The following XPO4 variants were observed in gnomAD, a reference collection of about 807,000 sequenced individuals.
The protein encoded by XPO4 is exportin-4.
Under a neutral mutation model 143.0 loss-of-function variants are expected in XPO4, and 39 were observed. That is an observed-to-expected ratio of 0.27 (90% CI 0.21 to 0.36). The LOEUF (loss-of-function observed/expected upper bound fraction) is 0.36. XPO4 is among the 10% of genes least tolerant of loss of function. XPO4 has a pLI of 1.00. For synonymous variants in XPO4, 439 were observed against 474.0 expected, an observed-to-expected ratio of 0.93 and a Z score of 0.96; for missense variants, 907 against 1,348.0, an observed-to-expected ratio of 0.67 and a Z score of 5.12.
Position 20,882,045 on chromosome 13 carries a change from G to A in XPO4, c.70-13344C>T, listed in dbSNP as rs560253139. Reference sequence around the variant, plus strand: ...GAATCGCTTGAACCTGGAAGGTAGAGGTTGCAGTGAGCCAAGATCACACCA... The same window carrying A: ...GAATCGCTTGAACCTGGAAGGTAGAAGTTGCAGTGAGCCAAGATCACACCA... On this transcript the variant is annotated intron_variant, in intron 1 of 22. Coordinates refer to ENST00000255305, the MANE Select transcript of XPO4 (RefSeq NM_022459.5). 9.9e-4 allele frequency among the ~76,000 whole-genome samples: 148 copies of A among 149,844 alleles called. 1 individual carries two copies. The highest frequency in any genetic ancestry group is 3.4e-3 in the African/African-American group (138 of 40,372).
intron 5 of XPO4, among the ~76,000 whole-genome samples, 190 bp from the exon 6 acceptor site, chr13:20,843,238 G>A (rs920539291): frequency 1.3e-5 from 2 of 152,092 alleles, no homozygotes; most frequent in African/African-American, 4.8e-5. Flanking sequence ...ACGCCAGATG[G>A]AATACTTTTA....
At chr13:20,900,376 T>C (rs2060609131) in intron 1 of XPO4, among the ~76,000 whole-genome samples, 1 of 151,528 alleles carries the variant, frequency 6.6e-6, no homozygotes, top group Non-Finnish European at 1.5e-5. Flanking sequence ...AGAGTGAGAC[T>C]TGGTCAAAAA....
intron 9 of XPO4, among the ~76,000 whole-genome samples, chr13:20,814,719 A>T (rs1361552042): frequency 6.6e-6 from 1 of 152,268 alleles, no homozygotes; most frequent in Non-Finnish European, 1.5e-5. Context: ...TGGTATTGTC[A>T]GGCCTGCTGC....
chr13:20,862,611 C>T, intron 3 of XPO4, 106 bp downstream of exon 3: 1 of 1,407,884 alleles, frequency 7.1e-7, no homozygotes, highest in Non-Finnish European at 9.8e-7. Flanking sequence ...TAGGTGTGAG[C>T]CACTATACCC....
At chr13:20,889,708 T>C (rs530261149) in intron 1 of XPO4, among the ~76,000 whole-genome samples, 13 of 152,354 alleles carry the variant, frequency 8.5e-5, no homozygotes, top group African/African-American at 3.1e-4. Context: ...AATTACATCA[T>C]TACCCAATAT....
Position 20,807,631 on chromosome 13 carries a change from T to C in XPO4, c.1643A>G (p.Tyr548Cys), listed in dbSNP as rs1438451741. ...DIHWLILVTG[Y>C]LLADDTQGET... is the part of the protein sequence containing the mutation. ...TCCCTGAGTATCATCAGCTAAGAGGTAGCCTTCAGTTTAAAAAAAATTAAA... is the reference window on the plus strand; with the variant it reads ...TCCCTGAGTATCATCAGCTAAGAGGCAGCCTTCAGTTTAAAAAAAATTAAA... Residue 548 changes from tyrosine (Y) to cysteine (C), a missense_variant, in exon 13 of 23, where the codon TAC (tyrosine) becomes TGC (cysteine). Transcript: ENST00000255305. The C allele has an allele frequency of 3.8e-6, 6 of 1,564,398 alleles. No individual in the cohort carries two copies. Among genetic ancestry groups the C allele is most frequent in the African/African-American group, 2.8e-5 (2 of 72,146 alleles).
In XPO4 at chr13:20,787,556, T is replaced by C. The variant is rs755528055; in HGVS notation, c.3090A>G (p.Thr1030=). ...EVCQLCLEAL[T]PLAEQCAKAQ... is the part of the protein sequence containing the mutation. ...CTTTTGCACACTGTTCAGCTAACGG[T>C]GTCAAGGCCTCCAGGCAAAGCTGGC... The change falls in exon 21 of 23, where the codon ACA becomes ACG. Residue 1030 remains threonine, a synonymous_variant. Transcript: ENST00000255305. 6.2e-6 allele frequency: 10 copies of C among 1,614,234 alleles called. 1 individual carries two copies. The East Asian group carries it at 1.1e-4, about 18-fold the overall frequency.
At chr13:20,860,429 T>C (rs2060186151) in intron 3 of XPO4, among the ~76,000 whole-genome samples, 1 of 152,080 alleles carries the variant, frequency 6.6e-6, no homozygotes, top group Non-Finnish European at 1.5e-5. Flanking sequence ...TTTCGTAGGG[T>C]AAAGAAAAAT....
chr13:20,789,384 C>A (rs2059246989), intron 19 of XPO4, among the ~76,000 whole-genome samples: 1 of 149,080 alleles, frequency 6.7e-6, no homozygotes, highest in Non-Finnish European at 1.5e-5. Context: ...CTGGACACTT[C>A]TCAGCCTCTA....
chr13:20,849,919 A>T, intron 4 of XPO4: 1 of 628,060 alleles, frequency 1.6e-6, no homozygotes, highest in Non-Finnish European at 2.0e-6. Flanking sequence ...CAGCCTGGCC[A>T]ACATGGCAAA....
chr13:20,902,466 G>A (rs887669763), intron 1 of XPO4: 13 of 985,432 alleles, frequency 1.3e-5, no homozygotes, highest in Non-Finnish European at 1.6e-5. Context: ...CCAGGGGAAG[G>A]GGACAGCTCC....
At chr13:20,855,516 G>A (rs775788850) in intron 4 of XPO4, 111 bp downstream of exon 4, 10 of 1,083,176 alleles carry the variant, frequency 9.2e-6, no homozygotes, top group Non-Finnish European at 1.2e-5. Context: ...TTGCTTGACT[G>A]ATAGCTTTTT....
intron 4 of XPO4, among the ~76,000 whole-genome samples, chr13:20,845,973 A>C (rs914353343): frequency 6.6e-6 from 1 of 152,214 alleles, no homozygotes; most frequent in Non-Finnish European, 1.5e-5. Flanking sequence ...ATGTTTGAGA[A>C]AACTTGTCTT....
intron 1 of XPO4, among the ~76,000 whole-genome samples, chr13:20,888,175 C>CAA (rs60114182): frequency 0.4 from 36,477 of 90,138 alleles, 7,558 homozygotes; most frequent in Non-Finnish European, 0.5. Flanking sequence ...AACTCCATCT[C>CAA]AAAAAAAAAA....
At position 20,800,851 on chromosome 13, in the gene XPO4, C is replaced by T; in HGVS notation, c.1957G>A (p.Asp653Asn). The T allele has an allele frequency of 2.5e-6, 4 of 1,613,628 alleles. No homozygotes were observed. Among genetic ancestry groups the T allele is most frequent in the Non-Finnish European group, 3.4e-6 (4 of 1,179,856 alleles). Residue 653 changes from aspartate to asparagine, a missense_variant, in exon 14 of 23, where the codon GAT becomes AAT. Coordinates refer to ENST00000255305, the MANE Select transcript of XPO4 (RefSeq NM_022459.5). ...CTGACCTGATCATACAGTTTTTCAT[C>T]CACCAGGAGATAAGTCTTTGCCCAG... ...KRWAKTYLLVDEKLYDQISLP... is the reference protein window; with the variant it reads ...KRWAKTYLLVNEKLYDQISLP...
chr13:20,898,475 C>T (rs1388374724), intron 1 of XPO4, among the ~76,000 whole-genome samples: 1 of 151,758 alleles, frequency 6.6e-6, no homozygotes, highest in Non-Finnish European at 1.5e-5. Flanking sequence ...TGAGGCAGGA[C>T]AATCACTTGA....
intron 7 of XPO4, among the ~76,000 whole-genome samples, chr13:20,823,711 G>C (rs1201720442): frequency 6.6e-6 from 1 of 152,094 alleles, no homozygotes; most frequent in African/African-American, 2.4e-5. Context: ...GAGTGCAATG[G>C]TGCAATCTCA....
At chr13:20,833,974 G>A (rs1280445803) in intron 6 of XPO4, among the ~76,000 whole-genome samples, 1 of 152,150 alleles carries the variant, frequency 6.6e-6, no homozygotes, top group Non-Finnish European at 1.5e-5. Flanking sequence ...CACTTTCTTT[G>A]CACAACAGTG....
intron 14 of XPO4, 48 bp from the exon 15 acceptor site, chr13:20,800,373 C>T (rs1566566151): frequency 6.7e-7 from 1 of 1,489,122 alleles, no homozygotes; most frequent in Admixed American, 2.1e-5. Flanking sequence ...AAGATCAACT[C>T]AAGAAAAAAA....
Sources: gnomAD v4.1 joint callset for allele counts (sites outside exome capture counted in the v4.1 genomes callset) on GRCh38, gnomAD v4.1.1 for gene constraint, MANE v1.5 for transcripts, NCBI Gene and HGNC (gene_info 2026-07-23, HGNC 2026-07-21) for gene names.